The following RAD51B variants were observed in gnomAD, a reference collection of about 807,000 sequenced individuals.
RAD51B encodes RAD51 paralog B, also known as DNA repair protein RAD51 homolog 2.
RAD51B carries 38 observed loss-of-function variants against 42.2 expected under a neutral mutation model. The observed-to-expected ratio is 0.90, with a 90% CI of 0.70 to 1.18. RAD51B has a LOEUF of 1.18. Among genes scored for constraint, RAD51B ranks in the 50% most tolerant of loss-of-function variants. RAD51B has a pLI of 0.00. For missense variants in RAD51B, 373 were observed against 400.7 expected (o/e 0.93, Z 0.59); for synonymous variants, 154 against 145.2 (o/e 1.06, Z -0.43).
intron 7 of RAD51B, among the ~76,000 whole-genome samples, chr14:67,935,752 A>G (rs1490285497): frequency 6.6e-6 from 1 of 152,208 alleles, no homozygotes; most frequent in Non-Finnish European, 1.5e-5. Flanking sequence ...TTTTTCTAAA[A>G]TAATAGGCAC....
intron 7 of RAD51B, among the ~76,000 whole-genome samples, chr14:67,919,625 G>A (rs577061002): frequency 5.8e-4 from 89 of 152,208 alleles, no homozygotes; most frequent in African/African-American, 2.1e-3. Flanking sequence ...ATATAAACCA[G>A]ACTCATGAAC....
intron 10 of RAD51B, among the ~76,000 whole-genome samples, chr14:68,537,458 C>A (rs1887702540): frequency 6.6e-6 from 1 of 150,768 alleles, no homozygotes; most frequent in Non-Finnish European, 1.5e-5. Context: ...GAGATCGCGC[C>A]ACTGTACTCC....
At chr14:67,921,779 C>T (rs1416852111) in intron 7 of RAD51B, among the ~76,000 whole-genome samples, 1 of 152,134 alleles carries the variant, frequency 6.6e-6, no homozygotes, top group Non-Finnish European at 1.5e-5. Context: ...GGAATTTGCA[C>T]ATTCTCCCCA....
chr14:68,395,585 A>G (rs891896430), intron 8 of RAD51B, among the ~76,000 whole-genome samples: 29 of 152,022 alleles, frequency 1.9e-4, no homozygotes, highest in Non-Finnish European at 3.7e-4. Context: ...TTGTATTACT[A>G]TTTTGTTGTT....
intron 7 of RAD51B, among the ~76,000 whole-genome samples, chr14:68,222,887 A>G (rs1274059330): frequency 6.6e-6 from 1 of 151,838 alleles, no homozygotes; most frequent in Non-Finnish European, 1.5e-5. Context: ...CTTACTGTAC[A>G]TTTTCCCTGG....
chr14:68,271,828 C>T (rs1447429546), intron 7 of RAD51B, among the ~76,000 whole-genome samples: 1 of 152,224 alleles, frequency 6.6e-6, no homozygotes, highest in East Asian at 1.9e-4. Context: ...CTTTATTGCT[C>T]ACACATCATA....
chr14:68,284,836 A>G (rs2081383338), intron 7 of RAD51B, among the ~76,000 whole-genome samples: 2 of 152,024 alleles, frequency 1.3e-5, no homozygotes. Context: ...CTAAAACCAC[A>G]TTTGTTTTTG....
intron 7 of RAD51B, among the ~76,000 whole-genome samples, chr14:68,098,938 G>A (rs2077243181): frequency 6.6e-6 from 1 of 152,186 alleles, no homozygotes; most frequent in African/African-American, 2.4e-5. Context: ...CAGCATTTCT[G>A]TGCTCCTATT....
At chr14:68,360,373 T>C (rs2082998572) in intron 8 of RAD51B, among the ~76,000 whole-genome samples, 1 of 152,258 alleles carries the variant, frequency 6.6e-6, no homozygotes, top group Non-Finnish European at 1.5e-5. Flanking sequence ...GCTAGGCACA[T>C]CTTATCATCG....
intron 8 of RAD51B, among the ~76,000 whole-genome samples, chr14:68,305,573 A>T (rs865913323): frequency 2.0e-5 from 3 of 152,226 alleles, no homozygotes; most frequent in African/African-American, 7.2e-5. Context: ...ACAGCATCTA[A>T]TGAATTGCCA....
intron 11 of RAD51B, among the ~76,000 whole-genome samples, chr14:68,652,143 C>T (rs1288223992): frequency 6.6e-6 from 1 of 152,220 alleles, no homozygotes; most frequent in East Asian, 1.9e-4. Context: ...TCCCTCCCAA[C>T]ACGACGCCAA....
intron 10 of RAD51B, among the ~76,000 whole-genome samples, chr14:68,618,405 C>T (rs1341727539): frequency 6.6e-6 from 1 of 152,182 alleles, no homozygotes; most frequent in Non-Finnish European, 1.5e-5. Flanking sequence ...TGCACTGTCA[C>T]CATCCTATTG....
chr14:68,614,822 A>G (rs1255306784), downstream of RAD51B, among the ~76,000 whole-genome samples: 3 of 152,354 alleles, frequency 2.0e-5, no homozygotes, highest in Non-Finnish European at 4.4e-5. Flanking sequence ...TGCTATGAAC[A>G]TTCATATACA....
intron 10 of RAD51B, among the ~76,000 whole-genome samples, chr14:68,509,407 G>A (rs1885567017): frequency 6.6e-6 from 1 of 152,244 alleles, no homozygotes. Flanking sequence ...GAACTTCAGT[G>A]AGTTGCTTTA....
intron 7 of RAD51B, among the ~76,000 whole-genome samples, chr14:67,977,441 A>G (rs765617621): frequency 2.0e-5 from 3 of 152,254 alleles, no homozygotes; most frequent in Non-Finnish European, 2.9e-5. Context: ...GCCAACTATC[A>G]GAATTGGCTT....
At chr14:68,355,452 C>A (rs2082880443) in intron 8 of RAD51B, among the ~76,000 whole-genome samples, 1 of 152,128 alleles carries the variant, frequency 6.6e-6, no homozygotes, top group African/African-American at 2.4e-5. Context: ...CTATTAGATT[C>A]TCCAATTTAA....
chr14:68,358,474 A>C (rs11158732), intron 8 of RAD51B, among the ~76,000 whole-genome samples: 87,787 of 152,056 alleles, frequency 0.58, 25,849 homozygotes, highest in East Asian at 0.69. Flanking sequence ...AGTTTGCATG[A>C]CCATCAGCAG....
chr14:68,304,047 G>A (rs2081806073), intron 8 of RAD51B, among the ~76,000 whole-genome samples: 2 of 152,056 alleles, frequency 1.3e-5, no homozygotes, highest in African/African-American at 4.8e-5. Flanking sequence ...GTGCATGCCT[G>A]TAATCCCAGC....
chr14:67,825,147 A>G lies in RAD51B; in HGVS notation c.85-317A>G, dbSNP rs577079839. On this transcript the variant is annotated intron_variant, in intron 2 of 10. Coordinates refer to ENST00000471583, the MANE Select transcript of RAD51B (RefSeq NM_133510.4). ...TCAACCTGACACTTTCTGGGCATATATTTATACCCAAATTCTTTTTGGCAC... is the reference window on the plus strand; with the variant it reads ...TCAACCTGACACTTTCTGGGCATATGTTTATACCCAAATTCTTTTTGGCAC... 2.0e-5 allele frequency among the ~76,000 whole-genome samples: 3 copies of G among 147,840 alleles called. No homozygotes were observed. The East Asian group carries it at 6.0e-4, about 30-fold the overall frequency.
Sources: allele counts gnomAD v4.1 joint callset (sites outside exome capture counted in the v4.1 genomes callset), GRCh38; gene constraint gnomAD v4.1.1; transcripts MANE v1.5; gene names NCBI Gene and HGNC (gene_info 2026-07-23, HGNC 2026-07-21).